The following B3GAT2 variants were observed in gnomAD, a reference collection of about 807,000 sequenced individuals.
The protein encoded by B3GAT2 is beta-1,3-glucuronyltransferase 2.
B3GAT2 carries 26 observed loss-of-function variants against 27.8 expected under a neutral mutation model. That is an observed-to-expected ratio of 0.93 (90% CI 0.68 to 1.30). B3GAT2 has a LOEUF of 1.30. Ranked by LOEUF, B3GAT2 falls within the 50% of genes most tolerant of loss-of-function variation. The pLI, the probability that B3GAT2 is intolerant of heterozygous loss-of-function variation, is 0.00. For synonymous variants in B3GAT2, 218 were observed against 195.1 expected (o/e 1.12, Z -0.98); for missense variants, 458 against 459.0 (o/e 1.00, Z 0.02).
intron 2 of B3GAT2, among the ~76,000 whole-genome samples, chr6:70,875,470 C>T (rs1772000880): frequency 6.6e-6 from 1 of 152,168 alleles, no homozygotes; most frequent in Non-Finnish European, 1.5e-5. Context: ...CTGTTTCCTG[C>T]AAGTGTTCCT....
At chr6:70,874,243 CCTTGAACTAA>C (rs113123424) in intron 2 of B3GAT2, among the ~76,000 whole-genome samples, 2,267 of 152,270 alleles carry the variant, frequency 0.015, 60 homozygotes, top group African/African-American at 0.052. Flanking sequence ...TTAGTGACTT[CCTTGAACTAA>C]CTTTGTAAAG....
chr6:70,946,808 C>A (rs931030339), intron 1 of B3GAT2, among the ~76,000 whole-genome samples: 8 of 151,008 alleles, frequency 5.3e-5, no homozygotes, highest in African/African-American at 1.9e-4. Flanking sequence ...ACACCTATTC[C>A]AAAATTGACC....
rs1410369332 is a variant in B3GAT2, at chr6:70,893,017, G to A, written c.736+1111C>T. Among the ~76,000 whole-genome samples the A allele has an allele frequency of 4.6e-5, 7 of 152,276 alleles. 1 individual carries two copies. The South Asian group carries it at 1.2e-3, about 27-fold the overall frequency. On this transcript the variant is annotated intron_variant, in intron 2 of 3. Coordinates refer to ENST00000230053, the MANE Select transcript of B3GAT2 (RefSeq NM_080742.3). ...GGTCAGGGGCCTGAGACATGGCCTGGCTGAGGGCTGGTGCTGTGGAGATGT... is the reference window on the plus strand; with the variant it reads ...GGTCAGGGGCCTGAGACATGGCCTGACTGAGGGCTGGTGCTGTGGAGATGT...
chr6:70,946,603 G>T (rs1765487573), intron 1 of B3GAT2, among the ~76,000 whole-genome samples: 2 of 152,062 alleles, frequency 1.3e-5, no homozygotes, highest in South Asian at 4.1e-4. Flanking sequence ...GACCTACAAA[G>T]AGACTTGGAC....
Position 70,916,728 on chromosome 6 carries a change from C to G in B3GAT2, c.592-22456G>C, listed in dbSNP as rs968124837. On this transcript the variant is annotated intron_variant, in intron 1 of 3. Transcript: ENST00000230053. The stretch of plus-strand genomic sequence containing the variant: ...GATTTGCCTATGTTGAACCAGCCTT[C>G]CATCCCAGGGATGAAGTCGACTTGA... Among the ~76,000 whole-genome samples the G allele has an allele frequency of 2.3e-4, 35 of 152,246 alleles. 1 individual carries two copies. Among genetic ancestry groups the G allele is most frequent in the African/African-American group, 7.2e-4 (30 of 41,560 alleles).
chr6:70,894,292 A>G lies in B3GAT2; in HGVS notation c.592-20T>C. 6.4e-7 allele frequency: 1 copy of G among 1,554,422 alleles called. No homozygotes were observed. The highest frequency in any genetic ancestry group is 1.2e-5 in the South Asian group (1 of 82,450). On this transcript the variant is annotated intron_variant, in intron 1 of 3. Coordinates refer to ENST00000230053, the MANE Select transcript of B3GAT2 (RefSeq NM_080742.3). ...TCGCATCTATAAAAAGGGAAAAGAC[A>G]TGTGTTTTAAGTTTCCTTAGGAAAA...
In B3GAT2 at chr6:70,860,282, G is replaced by A; in HGVS notation, c.*1381C>T. ...GGCCAGCCCTCCAGCACAACAGCAGGATGGTCTGGAAGCTCATCAGGTCAG... is the reference window on the plus strand; with the variant it reads ...GGCCAGCCCTCCAGCACAACAGCAGAATGGTCTGGAAGCTCATCAGGTCAG... On this transcript the variant is annotated 3_prime_UTR_variant, in exon 4 of 4. Coordinates refer to ENST00000230053, the MANE Select transcript of B3GAT2 (RefSeq NM_080742.3). The A allele has an allele frequency of 6.2e-7, 1 of 1,613,796 alleles. No individual in the cohort carries two copies. Among genetic ancestry groups the A allele is most frequent in the Non-Finnish European group, 8.5e-7 (1 of 1,179,844 alleles).
intron 2 of B3GAT2, among the ~76,000 whole-genome samples, chr6:70,892,327 G>T (rs1472445545): frequency 3.9e-5 from 6 of 152,060 alleles, no homozygotes; most frequent in Admixed American, 3.3e-4. Flanking sequence ...CAAATTCTAG[G>T]GGAACCAATG....
At chr6:70,939,169 G>C (rs1765345947) in intron 1 of B3GAT2, among the ~76,000 whole-genome samples, 1 of 151,396 alleles carries the variant, frequency 6.6e-6, no homozygotes, top group Non-Finnish European at 1.5e-5. Flanking sequence ...CTGGCCATCA[G>C]AGAAATGCAA....
chr6:70,935,993 G>C (rs1324556204), intron 1 of B3GAT2, among the ~76,000 whole-genome samples: 4 of 151,458 alleles, frequency 2.6e-5, no homozygotes, highest in Admixed American at 6.6e-5. Flanking sequence ...TCAGTGTGCT[G>C]TATTCAGGAA....
intron 1 of B3GAT2, among the ~76,000 whole-genome samples, chr6:70,918,068 T>A (rs997109895): frequency 1.2e-4 from 18 of 152,182 alleles, no homozygotes; most frequent in African/African-American, 4.1e-4. Context: ...AGAACTTGCT[T>A]TATGAATCTG....
intron 2 of B3GAT2, among the ~76,000 whole-genome samples, chr6:70,884,006 C>T (rs567968355): frequency 2.5e-4 from 37 of 149,174 alleles, no homozygotes; most frequent in African/African-American, 8.9e-4. Context: ...GAGACGATAA[C>T]GAGCCACAGG....
chr6:70,923,721 G>T (rs1260700686), intron 1 of B3GAT2, among the ~76,000 whole-genome samples: 2 of 152,128 alleles, frequency 1.3e-5, no homozygotes, highest in Non-Finnish European at 2.9e-5. Context: ...AGACAATTCA[G>T]AAAACCCTGT....
At position 70,935,217 on chromosome 6, in the gene B3GAT2, G is replaced by A. The variant is rs114940766; in HGVS notation, c.591+20622C>T. 9.7e-3 allele frequency among the ~76,000 whole-genome samples: 1,473 copies of A among 152,080 alleles called. 22 individuals are homozygous for A. Among genetic ancestry groups the A allele is most frequent in the African/African-American group, 0.034 (1,418 of 41,482 alleles). On this transcript the variant is annotated intron_variant, in intron 1 of 3. Transcript: ENST00000230053. ...TACCAGTACTTTGGAAAGATGAGGC[G>A]GTAGGACTGCTTGAAGCCAGGAGCT...
chr6:70,901,571 T>C (rs1772499475), intron 1 of B3GAT2, among the ~76,000 whole-genome samples: 2 of 152,156 alleles, frequency 1.3e-5, no homozygotes, highest in South Asian at 4.2e-4. Flanking sequence ...TAAATAATGG[T>C]GAATTTGTGT....
At chr6:70,890,292 C>G (rs1472879016) in intron 2 of B3GAT2, among the ~76,000 whole-genome samples, 1 of 152,044 alleles carries the variant, frequency 6.6e-6, no homozygotes, top group Non-Finnish European at 1.5e-5. Context: ...AATGCCTGCC[C>G]CCAGGATGCA....
intron 1 of B3GAT2, among the ~76,000 whole-genome samples, chr6:70,947,332 T>C (rs1765504934): frequency 6.6e-6 from 1 of 151,574 alleles, no homozygotes; most frequent in Non-Finnish European, 1.5e-5. Context: ...GATAGACCAC[T>C]AGCAAGACTA....
chr6:70,864,955 TAAAA>T (rs1286246132), intron 2 of B3GAT2, among the ~76,000 whole-genome samples: 1 of 151,640 alleles, frequency 6.6e-6, no homozygotes, highest in Non-Finnish European at 1.5e-5. Flanking sequence ...AAAATGCAAA[TAAAA>T]ATGATTGTTC....
intron 1 of B3GAT2, among the ~76,000 whole-genome samples, chr6:70,914,437 C>T (rs956621224): frequency 1.3e-5 from 2 of 152,168 alleles, no homozygotes; most frequent in African/African-American, 4.8e-5. Context: ...CCAGCTTCAT[C>T]CATGTACCTA....
Sources: allele counts gnomAD v4.1 joint callset (sites outside exome capture counted in the v4.1 genomes callset), GRCh38; gene constraint gnomAD v4.1.1; transcripts MANE v1.5; gene names NCBI Gene and HGNC (gene_info 2026-07-23, HGNC 2026-07-21).